The following OPHN1 variants were observed in gnomAD, a reference collection of about 807,000 sequenced individuals.
OPHN1 encodes oligophrenin 1, also known as oligophrenin-1.
A neutral mutation model predicts 60.7 loss-of-function variants in OPHN1; 11 were observed. The observed-to-expected ratio is 0.18, with a 90% CI of 0.11 to 0.30. The LOEUF is 0.30. Among genes scored for constraint, OPHN1 ranks in the 10% least tolerant of loss-of-function variants. OPHN1 has a pLI of 1.00. For synonymous variants in OPHN1, 226 were observed against 222.6 expected (o/e 1.02, Z -0.14); for missense variants, 449 against 611.0 (o/e 0.73, Z 2.80).
intron 15 of OPHN1, among the ~76,000 whole-genome samples, chrX:68,125,734 C>A (rs758908825): frequency 5.4e-4 from 57 of 106,412 alleles, no homozygotes; most frequent in Non-Finnish European, 1.0e-3. Flanking sequence ...AGCTTTACTG[C>A]TGAATTCTAC....
intron 6 of OPHN1, among the ~76,000 whole-genome samples, chrX:68,233,817 C>T (rs901487381): frequency 1.8e-5 from 2 of 111,626 alleles, no homozygotes; most frequent in African/African-American, 6.5e-5. Flanking sequence ...CTTCTATTCT[C>T]ATTTCCCACT....
At chrX:68,065,653 C>T (rs1397309750) in intron 20 of OPHN1, among the ~76,000 whole-genome samples, 3 of 111,679 alleles carry the variant, frequency 2.7e-5, no homozygotes, top group Non-Finnish European at 3.8e-5. Context: ...TCTCTCTGTA[C>T]CTCAAATTTT....
At chrX:68,237,850 C>T (rs764902408) in intron 5 of OPHN1, among the ~76,000 whole-genome samples, 1 of 111,514 alleles carries the variant, frequency 9.0e-6, no homozygotes, top group Non-Finnish European at 1.9e-5. Context: ...TACTTCTTTC[C>T]AATTTTGGCT....
intron 2 of OPHN1, among the ~76,000 whole-genome samples, chrX:68,314,955 C>T (rs1363497425): frequency 7.8e-5 from 8 of 102,843 alleles, no homozygotes; most frequent in Admixed American, 7.6e-4. Context: ...CACTGCACTC[C>T]AGCCTGGGCG....
intron 10 of OPHN1, among the ~76,000 whole-genome samples, chrX:68,205,969 A>AGTGTGTGT (rs1178548038): frequency 3.5e-4 from 17 of 48,092 alleles, no homozygotes; most frequent in African/African-American, 9.0e-4. Context: ...TGTGTGTGTG[A>AGTGTGTGT]GTGTGTGTGA....
chrX:68,047,904 AAGG>A (rs1191929453), intron 24 of OPHN1, among the ~76,000 whole-genome samples: 3 of 112,325 alleles, frequency 2.7e-5, no homozygotes, highest in African/African-American at 9.7e-5. Flanking sequence ...ACTAAGAATG[AAGG>A]TTCAGGTGGG....
chrX:68,053,508 T>C (rs755566366), intron 22 of OPHN1, 137 bp downstream of exon 22: 5 of 632,943 alleles, frequency 7.9e-6, no homozygotes, highest in African/African-American at 2.2e-5. Flanking sequence ...AGGGCTGGCC[T>C]ATGATATTTC....
intron 15 of OPHN1, among the ~76,000 whole-genome samples, chrX:68,121,933 C>T (rs187880319): frequency 5.8e-4 from 63 of 109,246 alleles, no homozygotes; most frequent in South Asian, 1.2e-3. Flanking sequence ...AAAAGGGAAC[C>T]CACTGCCTTG....
At chrX:68,312,124 G>A (rs1381321443) in intron 2 of OPHN1, among the ~76,000 whole-genome samples, 1 of 100,576 alleles carries the variant, frequency 9.9e-6, no homozygotes, top group Non-Finnish European at 2.0e-5. Context: ...TTTTGAGACA[G>A]GGTCTCATTC....
intron 2 of OPHN1, among the ~76,000 whole-genome samples, chrX:68,422,697 GAA>G (rs1420181215): frequency 1.2e-5 from 1 of 85,974 alleles, no homozygotes; most frequent in Non-Finnish European, 2.2e-5. Flanking sequence ...GAGAAAGAAG[GAA>G]AGAGAGAGAG....
intron 15 of OPHN1, among the ~76,000 whole-genome samples, chrX:68,172,279 G>A (rs1008460597): frequency 4.5e-5 from 5 of 112,102 alleles, no homozygotes; most frequent in African/African-American, 1.6e-4. Flanking sequence ...GCAATAAAAA[G>A]GAATGAATTC....
At chrX:68,169,868 T>C (rs1463223621) in intron 15 of OPHN1, among the ~76,000 whole-genome samples, 1 of 106,571 alleles carries the variant, frequency 9.4e-6, no homozygotes, top group African/African-American at 3.5e-5. Flanking sequence ...GACATAGGCA[T>C]GGGCAAGGAC....
At chrX:68,306,173 C>T (rs1412089801) in intron 2 of OPHN1, among the ~76,000 whole-genome samples, 1 of 112,047 alleles carries the variant, frequency 8.9e-6, no homozygotes, top group Admixed American at 9.5e-5. Context: ...CATTGGCCAA[C>T]TCAATAATGC....
At chrX:68,143,490 C>T (rs1323284607) in intron 15 of OPHN1, among the ~76,000 whole-genome samples, 1 of 111,013 alleles carries the variant, frequency 9.0e-6, no homozygotes, top group East Asian at 2.8e-4. Flanking sequence ...AAAGGCCCAT[C>T]CACAGCTGTT....
intron 19 of OPHN1, 87 bp from the exon 20 acceptor site, chrX:68,073,386 C>T: frequency 3.6e-6 from 3 of 840,216 alleles, no homozygotes; most frequent in Non-Finnish European, 5.1e-6. Context: ...TGCTTGTTGG[C>T]CTTATATCTA....
chrX:68,133,913 G>A (rs1602180756), intron 15 of OPHN1, among the ~76,000 whole-genome samples: 1 of 111,313 alleles, frequency 9.0e-6, no homozygotes, highest in East Asian at 2.8e-4. Context: ...TGTGGCTCAC[G>A]CTTGTAATCC....
chrX:68,418,614 C>T (rs1317980928), intron 2 of OPHN1, among the ~76,000 whole-genome samples: 3 of 111,693 alleles, frequency 2.7e-5, no homozygotes, highest in Non-Finnish European at 5.6e-5. Context: ...AAAAATTTTC[C>T]ACCTCTAGGA....
intron 2 of OPHN1, among the ~76,000 whole-genome samples, chrX:68,406,208 T>A (rs1413846040): frequency 9.1e-6 from 1 of 110,207 alleles, no homozygotes; most frequent in Non-Finnish European, 1.9e-5. Context: ...GTTTTCTGGG[T>A]CAGAAAATAA....
intron 2 of OPHN1, among the ~76,000 whole-genome samples, chrX:68,428,967 C>T (rs1187468054): frequency 3.6e-5 from 4 of 112,380 alleles, no homozygotes; most frequent in Non-Finnish European, 7.5e-5. Flanking sequence ...CAGAAAATGA[C>T]ACATTCACCA....
Sources: allele counts gnomAD v4.1 joint callset (sites outside exome capture counted in the v4.1 genomes callset), GRCh38; gene constraint gnomAD v4.1.1; transcripts MANE v1.5; gene names NCBI Gene and HGNC (gene_info 2026-07-23, HGNC 2026-07-21).